VAT1L: variants seen among roughly 807,000 people sequenced by gnomAD.
VAT1L encodes the protein putative NADPH-dependent quinone oxidoreductase VAT1L.
In VAT1L, 34 loss-of-function variants were observed where a neutral mutation model predicts 44.1. The observed-to-expected ratio is 0.77, with a 90% CI of 0.59 to 1.03. The LOEUF is 1.03. Among genes scored for constraint, VAT1L ranks in the 50% least tolerant of loss-of-function variants. VAT1L has a pLI of 0.00. For synonymous variants in VAT1L, 253 were observed against 202.2 expected, an observed-to-expected ratio of 1.25 and a Z score of -2.13; for missense variants, 615 against 538.8, an observed-to-expected ratio of 1.14 and a Z score of -1.40.
chr16:77,895,761 C>G (rs772032668), intron 7 of VAT1L, among the ~76,000 whole-genome samples: 6 of 152,234 alleles, frequency 3.9e-5, no homozygotes, highest in Non-Finnish European at 8.8e-5. Context: ...TGCCACTCAA[C>G]AAATGCTTAC....
At chr16:77,890,648 C>T (rs557917045) in intron 7 of VAT1L, among the ~76,000 whole-genome samples, 3 of 152,234 alleles carry the variant, frequency 2.0e-5, no homozygotes, top group South Asian at 4.1e-4. Context: ...CTGGGCCAGG[C>T]GTGGTGGCTC....
intron 1 of VAT1L, among the ~76,000 whole-genome samples, chr16:77,809,689 G>A (rs536817001): frequency 1.3e-5 from 2 of 152,346 alleles, no homozygotes; most frequent in South Asian, 2.1e-4. Context: ...GGTAGAGGGA[G>A]GGGATCTACT....
At chr16:77,973,110 T>C (rs1203926271) in intron 8 of VAT1L, among the ~76,000 whole-genome samples, 1 of 152,152 alleles carries the variant, frequency 6.6e-6, no homozygotes, top group African/African-American at 2.4e-5. Context: ...AACTATGTAG[T>C]GGTGTGGTCA....
At chr16:77,801,789 T>C (rs920976136) in intron 1 of VAT1L, 23 of 151,976 alleles carry the variant, frequency 1.5e-4, no homozygotes, top group African/African-American at 5.6e-4. Flanking sequence ...CTACGCCTAG[T>C]TCAATCAGCT....
At chr16:77,848,353 A>G (rs548262290) in intron 3 of VAT1L, among the ~76,000 whole-genome samples, 1 of 152,276 alleles carries the variant, frequency 6.6e-6, no homozygotes, top group East Asian at 1.9e-4. Flanking sequence ...TGGATGACTC[A>G]AGGACATTTT....
rs545822099 is a variant in VAT1L at position 77,973,413 on chromosome 16, T to C, written c.1161+1480T>C. Reference sequence around the variant, plus strand: ...GATTCTCCTGCCTCAGCCTCCTGAGTAGCTGGCATTACAGGGGCCCACCAC... The same window carrying C: ...GATTCTCCTGCCTCAGCCTCCTGAGCAGCTGGCATTACAGGGGCCCACCAC... On this transcript the variant is annotated intron_variant, in intron 8 of 8. Coordinates refer to ENST00000302536, the MANE Select transcript of VAT1L (RefSeq NM_020927.3). Among the ~76,000 whole-genome samples, 5 of 152,048 alleles carry C rather than the reference T, an allele frequency of 3.3e-5. No homozygotes were observed. The East Asian group carries it at 9.7e-4, about 30-fold the overall frequency.
At chr16:77,902,654 A>G (rs1020200131) in intron 7 of VAT1L, among the ~76,000 whole-genome samples, 1 of 149,700 alleles carries the variant, frequency 6.7e-6, no homozygotes, top group Admixed American at 6.7e-5. Context: ...CAATCAATCA[A>G]TCAATCAATG....
rs2017382639 is a variant in VAT1L, at chr16:77,901,454, G to A, written c.1077+16652G>A. ...GCTGGGATTACAGGCGTGAGCCACCGTGCCTGGCCCATAGTTTACCTTTTA... is the reference window on the plus strand; with the variant it reads ...GCTGGGATTACAGGCGTGAGCCACCATGCCTGGCCCATAGTTTACCTTTTA... On this transcript the variant is annotated intron_variant, in intron 7 of 8. Coordinates refer to ENST00000302536, the MANE Select transcript of VAT1L (RefSeq NM_020927.3). Among the ~76,000 whole-genome samples, 4 of 152,154 alleles carry A rather than the reference G, an allele frequency of 2.6e-5. No homozygotes were observed. In the South Asian group the frequency reaches 6.2e-4, roughly 24 times the overall value.
At chr16:77,848,687 G>T (rs2016779882) in intron 3 of VAT1L, among the ~76,000 whole-genome samples, 1 of 152,114 alleles carries the variant, frequency 6.6e-6, no homozygotes, top group South Asian at 2.1e-4. Flanking sequence ...CGTGATCAGG[G>T]GTACTTCCGC....
At chr16:77,960,206 G>A (rs1038060219) in intron 7 of VAT1L, among the ~76,000 whole-genome samples, 37 of 152,074 alleles carry the variant, frequency 2.4e-4, no homozygotes, top group Non-Finnish European at 2.4e-4. Context: ...CAGCTTAGGG[G>A]GTCTTGTAGG....
chr16:77,853,376 A>T (rs1468742375), intron 3 of VAT1L, among the ~76,000 whole-genome samples: 1 of 152,190 alleles, frequency 6.6e-6, no homozygotes, highest in Non-Finnish European at 1.5e-5. Flanking sequence ...AGCAAATTAG[A>T]AGGATGCCTT....
At chr16:77,805,573 A>G (rs1358123587) in intron 1 of VAT1L, among the ~76,000 whole-genome samples, 1 of 102,152 alleles carries the variant, frequency 9.8e-6, no homozygotes, top group Non-Finnish European at 2.2e-5. Context: ...TCTGCTTGGC[A>G]CAAAGCCTCG....
At chr16:77,976,271 AG>A (rs2142549476) in intron 8 of VAT1L, among the ~76,000 whole-genome samples, 1 of 152,336 alleles carries the variant, frequency 6.6e-6, no homozygotes, top group South Asian at 2.1e-4. Context: ...AGTGCTACAA[AG>A]AAGAGGTATT....
chr16:77,872,071 G>A (rs1451515050), intron 4 of VAT1L, among the ~76,000 whole-genome samples: 1 of 152,152 alleles, frequency 6.6e-6, no homozygotes, highest in African/African-American at 2.4e-5. Flanking sequence ...AAATGTAGGT[G>A]TTATCACCAT....
Position 77,812,612 on chromosome 16 carries a change from G to C in VAT1L, c.234-4309G>C, listed in dbSNP as rs548127478. ...GTATCTGCACTTGTTTTCTCAGCTT[G>C]TTACGAATTTTAATGAGATGTGTAT... is the stretch of plus-strand genomic sequence containing the variant. On this transcript the variant is annotated intron_variant, in intron 1 of 8. Transcript: ENST00000302536. Among the ~76,000 whole-genome samples the C allele has an allele frequency of 3.9e-5, 6 of 152,268 alleles. No homozygotes were observed. In the East Asian group the frequency reaches 1.2e-3, roughly 29 times the overall value.
intron 7 of VAT1L, among the ~76,000 whole-genome samples, chr16:77,925,433 T>TA (rs1222757516): frequency 2.0e-5 from 3 of 152,282 alleles, no homozygotes; most frequent in African/African-American, 7.2e-5. Context: ...AAAATCAAGC[T>TA]AATAATACCC....
rs953703335 is a variant in VAT1L, at chr16:77,788,974, G to C, written c.233+59G>C. On this transcript the variant is annotated intron_variant, in intron 1 of 8. Transcript: ENST00000302536. ...TTTTGCGCGCTGGGCGCTGGGGAGG[G>C]GGTGGGAAAGCTGCGGCTGGGATGC... The C allele has an allele frequency of 4.2e-6, 6 of 1,426,244 alleles. No individual in the cohort carries two copies. In the African/African-American group the frequency reaches 7.4e-5, roughly 18 times the overall value. The allele number at this position is 1,426,244 out of a possible 1,614,324, so 88.3% of individuals were successfully genotyped here.
At chr16:77,914,316 G>A (rs1362700115) in intron 7 of VAT1L, among the ~76,000 whole-genome samples, 1 of 152,154 alleles carries the variant, frequency 6.6e-6, no homozygotes, top group African/African-American at 2.4e-5. Flanking sequence ...ATGCTTTTGA[G>A]GTTGTATGCA....
rs550814829 is a variant in VAT1L at position 77,890,989 on chromosome 16, T to C, written c.1077+6187T>C. ...TTTATATAAAAGTCTATGGCTACAC[T>C]CTCCAGTACGGTACCACTGGTCACA... On this transcript the variant is annotated intron_variant, in intron 7 of 8. Coordinates refer to ENST00000302536, the MANE Select transcript of VAT1L (RefSeq NM_020927.3). Among the ~76,000 whole-genome samples the C allele has an allele frequency of 4.6e-5, 7 of 151,538 alleles. No homozygotes were observed. The East Asian group carries it at 1.2e-3, about 25-fold the overall frequency.
Sources: gnomAD v4.1 joint callset for allele counts (sites outside exome capture counted in the v4.1 genomes callset) on GRCh38, gnomAD v4.1.1 for gene constraint, MANE v1.5 for transcripts, NCBI Gene and HGNC (gene_info 2026-07-23, HGNC 2026-07-21) for gene names.